Variants in EXO1 observed in about 807,000 individuals in gnomAD.
EXO1 encodes the protein exonuclease 1.
In EXO1, 69 loss-of-function variants were observed where a neutral mutation model predicts 84.5. That is an observed-to-expected ratio of 0.82 (90% confidence interval 0.67 to 1.00). EXO1 has a LOEUF of 1.00. Ranked by LOEUF, EXO1 falls within the 50% of genes least tolerant of loss-of-function variation. The pLI, the probability that EXO1 is intolerant of heterozygous loss-of-function variation, is 0.00. For missense variants in EXO1, 1,045 were observed against 1,000.7 expected, an observed-to-expected ratio of 1.04 and a Z score of -0.60; for synonymous variants, 373 against 366.1, an observed-to-expected ratio of 1.02 and a Z score of -0.21.
At chr1:241,884,647 C>CTGTGTGTG (rs71570908) in intron 14 of EXO1, among the ~76,000 whole-genome samples, 16 of 147,716 alleles carry the variant, frequency 1.1e-4, no homozygotes, top group African/African-American at 4.0e-4. Context: ...ACTATGCTGC[C>CTGTGTGTG]TGTGTGTGTG....
At chr1:241,874,561 C>T (rs763397895) in intron 12 of EXO1, among the ~76,000 whole-genome samples, 7 of 152,140 alleles carry the variant, frequency 4.6e-5, no homozygotes, top group Non-Finnish European at 8.8e-5. Flanking sequence ...GCCATAGTCC[C>T]TGGGAGCAAT....
rs190901287 is a variant in EXO1 at position 241,871,122 on chromosome 1, C to T, written c.1268-910C>T. On this transcript the variant is annotated intron_variant, in intron 11 of 15. Coordinates refer to ENST00000366548, the MANE Select transcript of EXO1 (RefSeq NM_130398.4). ...TTAATCTGGTGTGGCTTCTGAAAGC[C>T]TTGTTGGGGACCCTGGAACACTTGT... Among the ~76,000 whole-genome samples the T allele has an allele frequency of 1.7e-3, 265 of 152,266 alleles. 3 individuals carry two copies. Among genetic ancestry groups the T allele is most frequent in the African/African-American group, 6.1e-3 (254 of 41,552 alleles).
intron 10 of EXO1, among the ~76,000 whole-genome samples, chr1:241,866,430 A>G (rs1661732057): frequency 6.6e-6 from 1 of 152,126 alleles, no homozygotes; most frequent in South Asian, 2.1e-4. Flanking sequence ...CATTTAAAAG[A>G]CACCGTTTTC....
intron 10 of EXO1, 116 bp downstream of exon 10, chr1:241,861,618 T>C: frequency 1.4e-6 from 1 of 723,680 alleles, no homozygotes; most frequent in Non-Finnish European, 2.5e-6. Context: ...CCAGGCTCTG[T>C]GCAGAATGTA....
chr1:241,861,396 G>A lies in EXO1; in HGVS notation c.945-10G>A, dbSNP rs1034965554. ...AATAAATACATTTTTCCTTAATCTT[G>A]CTAATCTAGATATGTTGATGATTCC... is the stretch of plus-strand genomic sequence containing the variant. On this transcript the variant is annotated splice_polypyrimidine_tract_variant and intron_variant, in intron 9 of 15. Coordinates refer to ENST00000366548, the MANE Select transcript of EXO1 (RefSeq NM_130398.4). The A allele has an allele frequency of 7.6e-7, 1 of 1,311,988 alleles. No individual in the cohort carries two copies. Among genetic ancestry groups the A allele is most frequent in the Non-Finnish European group, 1.1e-6 (1 of 904,330 alleles). The allele number at this position is 1,311,988 out of a possible 1,614,324, so 81.3% of individuals were successfully genotyped here.
rs780117642 is a variant in EXO1, at chr1:241,860,615, G to A, written c.855G>A (p.Gln285=). The change falls in exon 9 of 16, where the codon CAG becomes CAA. Residue 285 remains glutamine (Q), a synonymous_variant. Coordinates refer to ENST00000366548, the MANE Select transcript of EXO1 (RefSeq NM_130398.4). ...GGGCCAACAATACCTTCCTCTATCA[G>A]CTAGTTTTTGATCCCATCAAAAGGA... The part of the protein sequence containing the change: ...FIRANNTFLY[Q]LVFDPIKRKL... 1.2e-6 allele frequency: 2 copies of A among 1,613,874 alleles called. No homozygotes were observed. The highest frequency in any genetic ancestry group is 1.1e-5 in the South Asian group (1 of 91,076).
Position 241,858,589 on chromosome 1 carries a change from A to G in EXO1, c.627A>G (p.Val209=), listed in dbSNP as rs1224630711. ...RLGMCRQLGD[V]FTEEKFRYMC... is the part of the protein sequence containing the mutation. Reference sequence around the variant, plus strand: ...GAATGTGCAGACAGCTTGGGGATGTATTCACGGAAGAGAAGTTTCGTTACA... The same window carrying G: ...GAATGTGCAGACAGCTTGGGGATGTGTTCACGGAAGAGAAGTTTCGTTACA... The change falls in exon 8 of 16, where the codon GTA becomes GTG. Residue 209 remains valine, a synonymous_variant. Transcript: ENST00000366548. The G allele has an allele frequency of 6.2e-7, 1 of 1,614,106 alleles. No individual in the cohort carries two copies.
At chr1:241,877,017 A>G (rs1662442812) in intron 12 of EXO1, among the ~76,000 whole-genome samples, 2 of 152,258 alleles carry the variant, frequency 1.3e-5, no homozygotes, top group African/African-American at 4.8e-5. Flanking sequence ...AGTCATTAAT[A>G]TATGTGCAAG....
At chr1:241,856,861 T>C (rs1010237615) in intron 6 of EXO1, among the ~76,000 whole-genome samples, 7 of 152,094 alleles carry the variant, frequency 4.6e-5, no homozygotes, top group African/African-American at 1.7e-4. Context: ...CAAAACCTTG[T>C]CTCTACAAAA....
chr1:241,874,648 T>A (rs1662288954), intron 12 of EXO1, among the ~76,000 whole-genome samples: 1 of 152,216 alleles, frequency 6.6e-6, no homozygotes, highest in Non-Finnish European at 1.5e-5. Flanking sequence ...GGAATCTTGT[T>A]GTGTTCATTG....
In EXO1 at chr1:241,871,929, T is replaced by C. The variant is rs1340612321; in HGVS notation, c.1268-103T>C. 9 of 759,210 alleles carry C rather than the reference T, an allele frequency of 1.2e-5. No homozygotes were observed. The Admixed American group carries it at 2.6e-4, about 22-fold the overall frequency. 47.0% of individuals were successfully genotyped at this position (759,210 alleles called of 1,614,324 possible). A position where few individuals can be genotyped will look rare whatever the true frequency, so the allele number is the denominator to read the frequency against. ...AGGCATAGTTTTTTTTTTTTTTTTT[T>C]AAAGTCCTTATTTTTAGGACAATGG... On this transcript the variant is annotated intron_variant, in intron 11 of 15. Transcript: ENST00000366548.
At chr1:241,859,270 A>G (rs977819236) in intron 8 of EXO1, among the ~76,000 whole-genome samples, 1 of 151,562 alleles carries the variant, frequency 6.6e-6, no homozygotes, top group Non-Finnish European at 1.5e-5. Flanking sequence ...AGAGAGAGGA[A>G]TCATACATTT....
intron 10 of EXO1, 100 bp from the exon 11 acceptor site, chr1:241,866,730 G>C: frequency 1.1e-6 from 1 of 884,166 alleles, no homozygotes; most frequent in Non-Finnish European, 1.8e-6. Flanking sequence ...TTGTTTTTAA[G>C]GGTAACTTAA....
chr1:241,861,894 T>C (rs1396124008), intron 10 of EXO1, among the ~76,000 whole-genome samples: 2 of 152,054 alleles, frequency 1.3e-5, no homozygotes, highest in Non-Finnish European at 2.9e-5. Context: ...TTAACAAATA[T>C]TTAATGCACG....
chr1:241,853,316 C>G (rs1356737115), intron 5 of EXO1, 42 bp from the exon 6 acceptor site: 3 of 1,605,014 alleles, frequency 1.9e-6, no homozygotes, highest in Admixed American at 1.7e-5. Context: ...TTGAGTCAGC[C>G]TCTTAAATGT....
At chr1:241,863,408 TAA>T (rs201846231) in intron 10 of EXO1, among the ~76,000 whole-genome samples, 2 of 94,514 alleles carry the variant, frequency 2.1e-5, no homozygotes, top group Non-Finnish European at 2.2e-5. Context: ...GATTCCAGGC[TAA>T]AAAAAAAAAA....
At position 241,879,287 on chromosome 1, in the gene EXO1, C is replaced by T; in HGVS notation, c.2053C>T (p.Gln685Ter). Residue 685 changes from glutamine (Q) to a stop codon, truncating the protein, a stop_gained, in exon 13 of 16, where the codon CAG (glutamine) becomes TAG (stop). Transcript: ENST00000366548. LOFTEE classifies it high-confidence loss of function. ...QSQESGEFSL[Q>*]SSNASKLSQC... is the part of the protein sequence containing the mutation. ...CCAGGAAAGTGGAGAATTCTCACTG[C>T]AGAGTTCAAATGCATCAAAGCTTTC... 6.2e-7 allele frequency: 1 copy of T among 1,604,944 alleles called. No homozygotes were observed.
chr1:241,858,532 A>G lies in EXO1; in HGVS notation c.570A>G (p.Gly190=), dbSNP rs4149901. Residue 190 remains glycine, a synonymous_variant, in exon 8 of 16, where the codon GGA becomes GGG. Transcript: ENST00000366548. ...TAATTTTAAAGATGGACCAGTTTGG[A>G]AATGGACTTGAAATTGATCAAGCTC... ...KKVILKMDQF[G]NGLEIDQARL... is the part of the protein sequence containing the mutation. 403 of 1,614,060 alleles carry G rather than the reference A, an allele frequency of 2.5e-4. No homozygotes were observed. In the African/African-American group the frequency reaches 4.5e-3, roughly 18 times the overall value.
At position 241,861,490 on chromosome 1, in the gene EXO1, A is replaced by C; in HGVS notation, c.1029A>C (p.Pro343=). ...TTGAACAGATCGATGACTACAATCCAGACACTGCTATGGTAACGTTTTGAT... is the reference window on the plus strand; with the variant it reads ...TTGAACAGATCGATGACTACAATCCCGACACTGCTATGGTAACGTTTTGAT... The part of the protein sequence containing the change: ...NTFEQIDDYN[P]DTAMPAHSRS... Residue 343 remains proline, a synonymous_variant, in exon 10 of 16, where the codon CCA becomes CCC. Coordinates refer to ENST00000366548, the MANE Select transcript of EXO1 (RefSeq NM_130398.4). 1.3e-6 allele frequency: 2 copies of C among 1,565,534 alleles called. No individual in the cohort carries two copies. Among genetic ancestry groups the C allele is most frequent in the South Asian group, 2.2e-5 (2 of 90,074 alleles).
Sources: allele counts gnomAD v4.1 joint callset (sites outside exome capture counted in the v4.1 genomes callset), GRCh38; gene constraint gnomAD v4.1.1; transcripts MANE v1.5; gene names NCBI Gene and HGNC (gene_info 2026-07-23, HGNC 2026-07-21).